The following PIKFYVE variants were observed in gnomAD, a reference collection of about 807,000 sequenced individuals.
PIKFYVE encodes phosphoinositide kinase, FYVE-type zinc finger containing, also known as 1-phosphatidylinositol 3-phosphate 5-kinase.
Under a neutral mutation model 257.9 loss-of-function variants are expected in PIKFYVE, and 122 were observed. That is an observed-to-expected ratio of 0.47 (90% confidence interval 0.41 to 0.55). The LOEUF (loss-of-function observed/expected upper bound fraction) is 0.55, where lower values mean the gene tolerates loss of function less well. Ranked by LOEUF, PIKFYVE falls within the 20% of genes least tolerant of loss-of-function variation. PIKFYVE has a pLI of 0.00. For synonymous variants in PIKFYVE, 892 were observed against 868.9 expected, an observed-to-expected ratio of 1.03 and a Z score of -0.47; for missense variants, 2,160 against 2,536.6, an observed-to-expected ratio of 0.85 and a Z score of 3.19.
chr2:208,299,586 C>G (rs1167984952), intron 8 of PIKFYVE, among the ~76,000 whole-genome samples: 1 of 152,154 alleles, frequency 6.6e-6, no homozygotes, highest in Non-Finnish European at 1.5e-5. Flanking sequence ...CCGCGCCTGG[C>G]CAGTATTTTC....
At chr2:208,349,243 A>G (rs114845487) in intron 35 of PIKFYVE, among the ~76,000 whole-genome samples, 243 of 152,284 alleles carry the variant, frequency 1.6e-3, no homozygotes, top group African/African-American at 5.5e-3. Flanking sequence ...GCTGCTTGCT[A>G]TTGGGCTGTA....
At chr2:208,316,173 A>C (rs921947804) in intron 15 of PIKFYVE, among the ~76,000 whole-genome samples, 2 of 151,538 alleles carry the variant, frequency 1.3e-5, no homozygotes, top group African/African-American at 4.9e-5. Context: ...ATGATTTCCA[A>C]TTTCATCCAC....
At chr2:208,266,799 G>A (rs1291442531) in intron 1 of PIKFYVE, among the ~76,000 whole-genome samples, 1 of 152,220 alleles carries the variant, frequency 6.6e-6, no homozygotes, top group African/African-American at 2.4e-5. Context: ...CCGTAGGCTG[G>A]AAAAGAAAGT....
chr2:208,314,396 G>A lies in PIKFYVE; in HGVS notation c.1799G>A (p.Gly600Glu). The A allele has an allele frequency of 6.2e-7, 1 of 1,613,904 alleles. No individual in the cohort carries two copies. The highest frequency in any genetic ancestry group is 1.7e-5 in the Admixed American group (1 of 60,014). The change falls in exon 14 of 42, where the codon GGG (glycine) becomes GAG (glutamate). Residue 600 changes from glycine (G) to glutamate (E), a missense_variant. Gly to Glu is a moderately conservative substitution (Grantham distance 98). This residue lies in a region of PIKFYVE where 346 missense variants were observed against 365.6 expected (regional missense o/e 0.95). Transcript: ENST00000264380. ...CTGGAGCTCCTGAGGGAGGAGAATG[G>A]GGAGAAACAAGCCATGGAGAGGTTG... is the stretch of plus-strand genomic sequence containing the variant. The part of the protein sequence containing the change: ...NNLELLREEN[G>E]EKQAMERLLS...
In PIKFYVE at chr2:208,304,867, G is replaced by A. The variant is rs1459349264; in HGVS notation, c.1490G>A (p.Arg497His). The change falls in exon 12 of 42, where the codon CGC (arginine) becomes CAC (histidine). Residue 497 changes from arginine (R) to histidine (H), a missense_variant. Around this residue, in one of 12 missense-constraint regions of PIKFYVE, gnomAD observed 346 missense variants for 365.6 expected, o/e 0.95. Coordinates refer to ENST00000264380, the MANE Select transcript of PIKFYVE (RefSeq NM_015040.4). ...AAAGATTCTGCCAGTCCTAGCAAGC[G>A]CACATCAGTCAGCAGTTTCCAGTCC... ...NLANSASPSK[R>H]TSVSSFQSTV... 26 of 1,613,798 alleles carry A rather than the reference G, an allele frequency of 1.6e-5. No individual in the cohort carries two copies. The highest frequency in any genetic ancestry group is 1.7e-5 in the Admixed American group (1 of 59,976).
At chr2:208,288,897 A>ATTTAT in intron 7 of PIKFYVE, 79 bp downstream of exon 7, 1 of 1,548,690 alleles carries the variant, frequency 6.5e-7, no homozygotes, top group Non-Finnish European at 8.9e-7. Context: ...ACGGATAAAA[A>ATTTAT]GGGTGGGATT....
At chr2:208,294,330 A>G (rs539721613) in intron 7 of PIKFYVE, among the ~76,000 whole-genome samples, 2 of 152,314 alleles carry the variant, frequency 1.3e-5, no homozygotes, top group East Asian at 3.9e-4. Flanking sequence ...TACTTTTCGC[A>G]TTAACACCCT....
rs1350447759 is a variant in PIKFYVE, at chr2:208,268,413, C to T, written c.-10+1998C>T. 4.9e-5 allele frequency among the ~76,000 whole-genome samples: 7 copies of T among 144,100 alleles called. No individual in the cohort carries two copies. The East Asian group carries it at 1.4e-3, about 30-fold the overall frequency. The allele number at this position is 144,100 out of a possible 152,430, so 94.5% of individuals were successfully genotyped here. A position where few individuals can be genotyped will look rare whatever the true frequency, so the allele number is the denominator to read the frequency against. On this transcript the variant is annotated intron_variant, in intron 1 of 41. Transcript: ENST00000264380. Reference sequence around the variant, plus strand: ...TTACGGCCATCACATTATCGTTTCTCTCCAGAGCTCTTTTTTTTTTTTTTT... The same window carrying T: ...TTACGGCCATCACATTATCGTTTCTTTCCAGAGCTCTTTTTTTTTTTTTTT...
chr2:208,304,968 C>T lies in PIKFYVE; in HGVS notation c.1591C>T (p.Pro531Ser), dbSNP rs758500026. The stretch of plus-strand genomic sequence containing the variant: ...CAACGTGAACTTCCATATCAAGAAG[C>T]CCTCCAAGTACCCACATGTGCCCCC... The part of the protein sequence containing the change: ...LDNVNFHIKK[P>S]SKYPHVPPHP... The change falls in exon 12 of 42, where the codon CCC becomes TCC. Residue 531 changes from proline to serine, a missense_variant. Coordinates refer to ENST00000264380, the MANE Select transcript of PIKFYVE (RefSeq NM_015040.4). 6.2e-7 allele frequency: 1 copy of T among 1,614,152 alleles called. No individual in the cohort carries two copies. The highest frequency in any genetic ancestry group is 1.1e-5 in the South Asian group (1 of 91,076).
chr2:208,331,292 T>G (rs1402460936), intron 23 of PIKFYVE, among the ~76,000 whole-genome samples: 2 of 152,218 alleles, frequency 1.3e-5, no homozygotes, highest in Non-Finnish European at 2.9e-5. Flanking sequence ...GTGCCAATAT[T>G]GTGTTTTTTT....
intron 33 of PIKFYVE, 53 bp downstream of exon 33, chr2:208,345,247 T>C (rs1699122954): frequency 7.1e-7 from 1 of 1,409,798 alleles, no homozygotes; most frequent in Admixed American, 1.7e-5. Context: ...TATCATTTTC[T>C]ATATGCTTGT....
chr2:208,311,315 A>T (rs1280029364), intron 12 of PIKFYVE, among the ~76,000 whole-genome samples: 1 of 152,160 alleles, frequency 6.6e-6, no homozygotes, highest in Non-Finnish European at 1.5e-5. Flanking sequence ...ATTTTATTGT[A>T]TTTGGCATAG....
At position 208,271,571 on chromosome 2, in the gene PIKFYVE, C is replaced by T; in HGVS notation, c.52C>T (p.Pro18Ser). The change falls in exon 2 of 42, where the codon CCT becomes TCT. Residue 18 changes from proline (P) to serine (S), a missense_variant. Transcript: ENST00000264380. ...AACACTGGACTCTGCTAATGATTTG[C>T]CTCGATCTCCTACTAGTCCTTCTCA... ...SPTLDSANDL[P>S]RSPTSPSHLT... 6.2e-7 allele frequency: 1 copy of T among 1,614,110 alleles called. No individual in the cohort carries two copies. Among genetic ancestry groups the T allele is most frequent in the Non-Finnish European group, 8.5e-7 (1 of 1,179,986 alleles).
In PIKFYVE at chr2:208,287,925, G is replaced by T. The variant is rs1691795509; in HGVS notation, c.822-804G>T. Among the ~76,000 whole-genome samples the T allele has an allele frequency of 3.4e-5, 3 of 87,578 alleles. No homozygotes were observed. The Admixed American group carries it at 4.4e-4, about 13-fold the overall frequency. 57.5% of individuals were successfully genotyped at this position (87,578 alleles called of 152,430 possible). On this transcript the variant is annotated intron_variant, in intron 6 of 41. Transcript: ENST00000264380. ...TACATTGCTTCATGAATACTTTGGT[G>T]TTTATGGCATTATGATTTTTTTATA...
Position 208,325,701 on chromosome 2 carries a change from C to G in PIKFYVE, c.2890C>G (p.Pro964Ala), listed in dbSNP as rs780129020. Residue 964 changes from proline to alanine, a missense_variant, in exon 20 of 42, where the codon CCG (proline) becomes GCG (alanine). Pro to Ala is a conservative substitution (Grantham distance 27, BLOSUM62 -1). This residue lies in a region of PIKFYVE where 522 missense variants were observed against 514.6 expected (regional missense o/e 1.01). Transcript: ENST00000264380. Reference sequence around the variant, plus strand: ...TCAAGAACATAGCACAACAGCTTGCCCGGCGGGTCTCCCTTGTGCTTTCTT... The same window carrying G: ...TCAAGAACATAGCACAACAGCTTGCGCGGCGGGTCTCCCTTGTGCTTTCTT... Reference protein sequence around the residue: ...KHQEHSTTACPAGLPCAFFAP... With the variant: ...KHQEHSTTACAAGLPCAFFAP... 6.2e-7 allele frequency: 1 copy of G among 1,613,670 alleles called. No homozygotes were observed. Among genetic ancestry groups the G allele is most frequent in the Non-Finnish European group, 8.5e-7 (1 of 1,179,748 alleles).
At position 208,304,221 on chromosome 2, in the gene PIKFYVE, C is replaced by T. The variant is rs759347324; in HGVS notation, c.1371C>T (p.Ser457=). 25 of 1,613,886 alleles carry T rather than the reference C, an allele frequency of 1.5e-5. No homozygotes were observed. The highest frequency in any genetic ancestry group is 3.3e-4 in the Middle Eastern group (2 of 6,084). Residue 457 remains serine (S), a synonymous_variant, in exon 11 of 42, where the codon TCC becomes TCT. Coordinates refer to ENST00000264380, the MANE Select transcript of PIKFYVE (RefSeq NM_015040.4). ...CTCCCGACAGTGACTCAGTGAACTC[C>T]GTGGAAGGACACTCTGAGCCATCCT... ...TPSPDSDSVN[S]VEGHSEPSWF... is the part of the protein sequence containing the mutation.
At position 208,271,592 on chromosome 2, in the gene PIKFYVE, T is replaced by C; in HGVS notation, c.73T>C (p.Ser25Pro). The C allele has an allele frequency of 3.1e-6, 5 of 1,614,084 alleles. No homozygotes were observed. Among genetic ancestry groups the C allele is most frequent in the Non-Finnish European group, 4.2e-6 (5 of 1,179,932 alleles). The part of the protein sequence containing the change: ...NDLPRSPTSP[S>P]HLTHFKPLTP... Reference sequence around the variant, plus strand: ...TTTGCCTCGATCTCCTACTAGTCCTTCTCATCTCACACACTTTAAACCTTT... The same window carrying C: ...TTTGCCTCGATCTCCTACTAGTCCTCCTCATCTCACACACTTTAAACCTTT... Residue 25 changes from serine (S) to proline (P), a missense_variant, in exon 2 of 42, where the codon TCT becomes CCT. Ser to Pro is a moderately conservative substitution (Grantham distance 74). Coordinates refer to ENST00000264380, the MANE Select transcript of PIKFYVE (RefSeq NM_015040.4).
intron 24 of PIKFYVE, 60 bp from the exon 25 acceptor site, chr2:208,335,246 C>A: frequency 9.2e-7 from 1 of 1,090,438 alleles, no homozygotes; most frequent in Non-Finnish European, 1.4e-6. Flanking sequence ...CATGATACAG[C>A]TCTATTCAAG....
chr2:208,348,499 A>T (rs1388563724), intron 35 of PIKFYVE, among the ~76,000 whole-genome samples: 1 of 151,902 alleles, frequency 6.6e-6, no homozygotes, highest in Non-Finnish European at 1.5e-5. Context: ...CTATAATCCC[A>T]TCACTTTGGG....
Sources: allele counts gnomAD v4.1 joint callset (sites outside exome capture counted in the v4.1 genomes callset), GRCh38; gene constraint gnomAD v4.1.1; regional missense constraint gnomAD v4.1.1; transcripts MANE v1.5; gene names NCBI Gene and HGNC (gene_info 2026-07-23, HGNC 2026-07-21).